Variants in CACNA1A observed in about 807,000 individuals in gnomAD.
CACNA1A encodes voltage-dependent P/Q-type calcium channel subunit alpha-1A.
CACNA1A carries 57 observed loss-of-function variants against 262.4 expected under a neutral mutation model. The ratio of observed to expected loss-of-function variants is 0.22; its 90% CI spans 0.18 to 0.27. The LOEUF (loss-of-function observed/expected upper bound fraction) is 0.27, where lower values mean the gene tolerates loss of function less well. Among genes scored for constraint, CACNA1A ranks in the 10% least tolerant of loss-of-function variants. CACNA1A has a pLI of 1.00. For synonymous variants in CACNA1A, 1,431 were observed against 1,419.3 expected, an observed-to-expected ratio of 1.01 and a Z score of -0.18; for missense variants, 2,526 against 3,562.8, an observed-to-expected ratio of 0.71 and a Z score of 7.41.
rs554323323 is a variant in CACNA1A at position 13,300,833 on chromosome 19, A to G, written c.2173-177T>C. On this transcript the variant is annotated intron_variant, in intron 17 of 46. Transcript: ENST00000360228. ...AAGTGTATTGCTATCCCCTCTGTGT[A>G]TAAGTTTGACATCTAACTCATTATG... Among the ~76,000 whole-genome samples, 6 of 152,324 alleles carry G rather than the reference A, an allele frequency of 3.9e-5. No homozygotes were observed. The East Asian group carries it at 1.2e-3, about 29-fold the overall frequency.
intron 3 of CACNA1A, among the ~76,000 whole-genome samples, chr19:13,400,703 C>T (rs994263992): frequency 6.6e-6 from 1 of 152,110 alleles, no homozygotes; most frequent in Non-Finnish European, 1.5e-5. Flanking sequence ...ACAACTGGGG[C>T]GCGGGCGCTA....
At chr19:13,425,151 C>T (rs1411836796) in intron 3 of CACNA1A, among the ~76,000 whole-genome samples, 1 of 152,194 alleles carries the variant, frequency 6.6e-6, no homozygotes, top group African/African-American at 2.4e-5. Flanking sequence ...GACTGACTCT[C>T]TTGCTGAAAA....
chr19:13,268,878 A>G (rs978702773), intron 24 of CACNA1A, among the ~76,000 whole-genome samples: 1 of 144,318 alleles, frequency 6.9e-6, no homozygotes, highest in African/African-American at 2.6e-5. Context: ...CATACGTAGA[A>G]TCATATAGAT....
intron 3 of CACNA1A, among the ~76,000 whole-genome samples, chr19:13,377,372 CAT>C (rs1057114293): frequency 2.0e-5 from 3 of 149,376 alleles, no homozygotes; most frequent in African/African-American, 7.6e-5. Flanking sequence ...TCTAACACAA[CAT>C]TTTTTTTTTT....
chr19:13,391,618 C>T (rs551078713), intron 3 of CACNA1A, among the ~76,000 whole-genome samples: 3 of 152,150 alleles, frequency 2.0e-5, no homozygotes, highest in South Asian at 4.2e-4. Flanking sequence ...GGGAAATTGC[C>T]GGGTGCGGTG....
At chr19:13,253,604 C>A (rs1469466341) in intron 29 of CACNA1A, among the ~76,000 whole-genome samples, 2 of 151,864 alleles carry the variant, frequency 1.3e-5, no homozygotes, top group Non-Finnish European at 2.9e-5. Flanking sequence ...CACCACCATG[C>A]CCAGCTAACT....
At chr19:13,375,579 G>A (rs2059391259) in intron 3 of CACNA1A, among the ~76,000 whole-genome samples, 1 of 152,132 alleles carries the variant, frequency 6.6e-6, no homozygotes, top group African/African-American at 2.4e-5. Context: ...CTTGAGCCTA[G>A]GAGTTTGAGA....
chr19:13,349,866 A>T (rs565534735), intron 6 of CACNA1A, among the ~76,000 whole-genome samples: 1 of 152,304 alleles, frequency 6.6e-6, no homozygotes, highest in African/African-American at 2.4e-5. Flanking sequence ...GGTGGCACAG[A>T]GGAAGTGGCT....
intron 4 of CACNA1A, among the ~76,000 whole-genome samples, chr19:13,366,613 A>G (rs1404444568): frequency 6.6e-6 from 1 of 152,186 alleles, no homozygotes; most frequent in East Asian, 1.9e-4. Flanking sequence ...AAAGTACTTA[A>G]TAAAGGTATT....
intron 15 of CACNA1A, among the ~76,000 whole-genome samples, chr19:13,307,041 C>T (rs1329701383): frequency 6.6e-6 from 1 of 152,110 alleles, no homozygotes; most frequent in African/African-American, 2.4e-5. Flanking sequence ...TAGCTTACTG[C>T]AGCCTCAACC....
At chr19:13,240,111 A>T (rs529498335) in intron 31 of CACNA1A, among the ~76,000 whole-genome samples, 2 of 150,574 alleles carry the variant, frequency 1.3e-5, no homozygotes, top group South Asian at 4.2e-4. Context: ...ACATTGTGCC[A>T]CTGCACGCCA....
At chr19:13,386,340 G>A (rs2059613110) in intron 3 of CACNA1A, among the ~76,000 whole-genome samples, 1 of 152,146 alleles carries the variant, frequency 6.6e-6, no homozygotes, top group Admixed American at 6.5e-5. Context: ...AGGCCTAACA[G>A]GATCTGGGTG....
At chr19:13,427,657 C>A (rs550870802) in intron 3 of CACNA1A, among the ~76,000 whole-genome samples, 1 of 151,934 alleles carries the variant, frequency 6.6e-6, no homozygotes, top group Non-Finnish European at 1.5e-5. Flanking sequence ...GAAAAACAAC[C>A]CTTTTAGGAT....
intron 3 of CACNA1A, among the ~76,000 whole-genome samples, chr19:13,416,499 G>A (rs1413255589): frequency 3.3e-5 from 5 of 152,066 alleles, no homozygotes; most frequent in Admixed American, 3.3e-4. Context: ...TAGCCAACAT[G>A]GTGAAACCCT....
At chr19:13,451,755 T>C (rs2060920342) in intron 3 of CACNA1A, 1 of 152,168 alleles carries the variant, frequency 6.6e-6, no homozygotes, top group Admixed American at 6.5e-5. Context: ...ATGGAGTTAT[T>C]GGATGATGTG....
intron 24 of CACNA1A, among the ~76,000 whole-genome samples, chr19:13,265,625 G>A (rs535802513): frequency 1.3e-5 from 2 of 152,224 alleles, no homozygotes; most frequent in East Asian, 3.9e-4. Context: ...TTAAATAATT[G>A]GATCTCAGAG....
intron 6 of CACNA1A, among the ~76,000 whole-genome samples, chr19:13,348,576 G>A (rs374998304): frequency 9.9e-5 from 15 of 152,274 alleles, no homozygotes; most frequent in African/African-American, 2.6e-4. Context: ...AGTGGCTCAC[G>A]CCTGTAATCC....
rs947365327 is a variant in CACNA1A, at chr19:13,406,621, A to G, written c.540-34842T>C. Among the ~76,000 whole-genome samples the G allele has an allele frequency of 2.0e-5, 3 of 149,560 alleles. No individual in the cohort carries two copies. The Admixed American group carries it at 2.0e-4, about 10-fold the overall frequency. On this transcript the variant is annotated intron_variant, in intron 3 of 46. Coordinates refer to ENST00000360228, the MANE Select transcript of CACNA1A (RefSeq NM_001127222.2). ...ACTCCCCAGCATCAGAGTGGATTCT[A>G]CCCAGCTTGGTGAGAATTCTCTGTA... is the stretch of plus-strand genomic sequence containing the variant.
intron 3 of CACNA1A, among the ~76,000 whole-genome samples, chr19:13,444,236 G>C (rs142050136): frequency 2.1e-4 from 32 of 152,308 alleles, no homozygotes; most frequent in Admixed American, 3.3e-4. Context: ...TACCAAGGAT[G>C]ACTGATCCAT....
Sources: gnomAD v4.1 joint callset for allele counts (sites outside exome capture counted in the v4.1 genomes callset) on GRCh38, gnomAD v4.1.1 for gene constraint, MANE v1.5 for transcripts, NCBI Gene and HGNC (gene_info 2026-07-23, HGNC 2026-07-21) for gene names.